The following IRAK1BP1 variants were observed in gnomAD, a reference collection of about 807,000 sequenced individuals.
IRAK1BP1 encodes the protein interleukin 1 receptor associated kinase 1 binding protein 1.
A neutral mutation model predicts 28.0 loss-of-function variants in IRAK1BP1; 24 were observed. The ratio of observed to expected loss-of-function variants is 0.86; its 90% confidence interval spans 0.62 to 1.20. The LOEUF (loss-of-function observed/expected upper bound fraction) is 1.20, where lower values mean the gene tolerates loss of function less well. Among genes scored for constraint, IRAK1BP1 ranks in the 50% most tolerant of loss-of-function variants. The probability of loss-of-function intolerance (pLI) is 0.00; values close to 1 mark genes in which losing one functional copy is unlikely to be tolerated. For missense variants in IRAK1BP1, 336 were observed against 316.7 expected (o/e 1.06, Z -0.46); for synonymous variants, 131 against 116.3 (o/e 1.13, Z -0.81).
chr6:78,952,311 C>T, the IRAK1BP1 span, among the ~76,000 whole-genome samples: 5 of 150,956 alleles, frequency 3.3e-5, no homozygotes, highest in East Asian at 2.0e-4. Context: ...CCCAGCTACT[C>T]GTGAGGCCGA....
chr6:78,945,415 C>A, exon 5 of IRAK1BP1: 1 of 1,611,906 alleles, frequency 6.2e-7, no homozygotes, highest in Non-Finnish European at 8.5e-7. Flanking sequence ...CAGAATTATT[C>A]CTAGTGCCAT....
At chr6:78,890,544 G>A (rs548031647) in intron 2 of IRAK1BP1, among the ~76,000 whole-genome samples, 3 of 152,060 alleles carry the variant, frequency 2.0e-5, no homozygotes, top group African/African-American at 4.8e-5. Context: ...GGTGCCCAGC[G>A]CAATGAACAA....
chr6:78,953,528 C>G, the IRAK1BP1 span, among the ~76,000 whole-genome samples: 1 of 152,230 alleles, frequency 6.6e-6, no homozygotes, highest in East Asian at 1.9e-4. Context: ...GAAATGAAAG[C>G]CAGAACATTA....
At chr6:78,886,420 TACTC>T (rs1771434953) in intron 2 of IRAK1BP1, among the ~76,000 whole-genome samples, 2 of 152,206 alleles carry the variant, frequency 1.3e-5, no homozygotes, top group East Asian at 3.8e-4. Flanking sequence ...ATTTTTAAAT[TACTC>T]ATTATGATTT....
At chr6:78,972,591 G>A in the IRAK1BP1 span, among the ~76,000 whole-genome samples, 2 of 152,042 alleles carry the variant, frequency 1.3e-5, no homozygotes, top group Non-Finnish European at 2.9e-5. Flanking sequence ...AGCTACAGGA[G>A]GACATTCAAA....
rs144013034 is a variant in IRAK1BP1, at chr6:78,910,821, T to C, written c.*67+7711T>C. On this transcript the variant is annotated intron_variant and NMD_transcript_variant, in intron 4 of 4. Transcript: ENST00000606868. ...CCGCCCTGTCGCAGTTCCAGGGCGC[T>C]CCGCGCTGTCATGATTGCTGGGTGC... 4.5e-3 allele frequency among the ~76,000 whole-genome samples: 689 copies of C among 152,310 alleles called. 6 individuals carry two copies. The highest frequency in any genetic ancestry group is 0.044 in the Middle Eastern group (13 of 294).
chr6:78,948,821 G>A (rs1182813198), downstream of IRAK1BP1, among the ~76,000 whole-genome samples: 1 of 152,052 alleles, frequency 6.6e-6, no homozygotes, highest in Non-Finnish European at 1.5e-5. Context: ...CCCTCAGTAT[G>A]CGACTATATT....
chr6:78,965,955 A>G, the IRAK1BP1 span: 6 of 1,599,862 alleles, frequency 3.8e-6, no homozygotes, highest in Non-Finnish European at 5.1e-6. Flanking sequence ...CAAACATTGT[A>G]GCATTGAAAC....
intron 4 of IRAK1BP1, among the ~76,000 whole-genome samples, chr6:78,914,189 A>G (rs1308190445): frequency 6.6e-6 from 1 of 152,134 alleles, no homozygotes. Flanking sequence ...AACATTGAAA[A>G]AAAAATCTTA....
At chr6:78,869,557 A>G (rs1581984309) in intron 1 of IRAK1BP1, among the ~76,000 whole-genome samples, 1 of 152,206 alleles carries the variant, frequency 6.6e-6, no homozygotes, top group Non-Finnish European at 1.5e-5. Flanking sequence ...TCCAACTTAG[A>G]GTAATCAAGA....
intron 4 of IRAK1BP1, among the ~76,000 whole-genome samples, chr6:78,925,429 G>GA (rs1772860804): frequency 6.6e-6 from 1 of 152,084 alleles, no homozygotes; most frequent in African/African-American, 2.4e-5. Context: ...ACAAGCATAT[G>GA]AAAAAATGCT....
At chr6:78,892,287 A>G (rs1771690686) in intron 2 of IRAK1BP1, among the ~76,000 whole-genome samples, 1 of 152,140 alleles carries the variant, frequency 6.6e-6, no homozygotes, top group Non-Finnish European at 1.5e-5. Flanking sequence ...GCCAGTCCAA[A>G]CTAGAGAAAG....
chr6:78,918,332 C>A lies in IRAK1BP1; in HGVS notation c.*67+15222C>A, dbSNP rs147967710. Among the ~76,000 whole-genome samples the A allele has an allele frequency of 5.6e-3, 850 of 151,918 alleles. 6 individuals carry two copies. Among genetic ancestry groups the A allele is most frequent in the African/African-American group, 0.02 (823 of 41,406 alleles). On this transcript the variant is annotated intron_variant and NMD_transcript_variant, in intron 4 of 4. Coordinates refer to the IRAK1BP1 transcript ENST00000606868. ...TATTTTTAAAATATCAATATTAACC[C>A]AGTATACACGTATCAATATTAACCC...
intron 2 of IRAK1BP1, among the ~76,000 whole-genome samples, chr6:78,892,318 A>G (rs1398046741): frequency 6.6e-6 from 1 of 152,184 alleles, no homozygotes; most frequent in Non-Finnish European, 1.5e-5. Context: ...CCCTTATTCT[A>G]GAATATTTAT....
At chr6:78,920,850 A>AC (rs899200188) in intron 4 of IRAK1BP1, among the ~76,000 whole-genome samples, 2 of 152,290 alleles carry the variant, frequency 1.3e-5, no homozygotes, top group African/African-American at 4.8e-5. Flanking sequence ...AGAGTAAACA[A>AC]CCTACAGAAT....
At position 78,898,109 on chromosome 6, in the gene IRAK1BP1, T is replaced by C; in HGVS notation, c.558T>C (p.Ala186=). ...CTGTTGAGAATGCGTGGCGCAAAGC[T>C]CAAGAAGTCTGTAACCTTGTTGGCC... ...LVAVENAWRK[A]QEVCNLVGQT... is the part of the protein sequence containing the mutation. Residue 186 remains alanine (A), a synonymous_variant, in exon 4 of 4, where the codon GCT becomes GCC. Coordinates refer to ENST00000369940, the MANE Select transcript of IRAK1BP1 (RefSeq NM_001010844.4). The C allele has an allele frequency of 6.2e-7, 1 of 1,613,624 alleles. No homozygotes were observed. The highest frequency in any genetic ancestry group is 8.5e-7 in the Non-Finnish European group (1 of 1,179,876).
At chr6:78,883,993 T>C (rs1030964446) in intron 1 of IRAK1BP1, among the ~76,000 whole-genome samples, 3 of 152,208 alleles carry the variant, frequency 2.0e-5, no homozygotes, top group Non-Finnish European at 4.4e-5. Context: ...ATTTATCCCC[T>C]GTAGATAAGG....
At chr6:78,880,692 A>G (rs1299648248) in intron 1 of IRAK1BP1, among the ~76,000 whole-genome samples, 1 of 152,222 alleles carries the variant, frequency 6.6e-6, no homozygotes, top group East Asian at 1.9e-4. Context: ...AGCAGTAACA[A>G]ACAGCTCAAT....
intron 2 of IRAK1BP1, 129 bp downstream of exon 2, chr6:78,885,572 T>C: frequency 2.0e-6 from 1 of 508,922 alleles, no homozygotes; most frequent in Non-Finnish European, 3.6e-6. Context: ...CTCAAAATCA[T>C]CTTGGTGTTA....
Sources: allele counts gnomAD v4.1 joint callset (sites outside exome capture counted in the v4.1 genomes callset), GRCh38; gene constraint gnomAD v4.1.1; transcripts MANE v1.5; gene names NCBI Gene and HGNC (gene_info 2026-07-23, HGNC 2026-07-21).